Variants in SDK1 observed in about 807,000 individuals in gnomAD.
SDK1 encodes the protein protein sidekick-1.
A neutral mutation model predicts 245.5 loss-of-function variants in SDK1; 157 were observed. The ratio of observed to expected loss-of-function variants is 0.64; its 90% CI spans 0.56 to 0.73. The LOEUF (loss-of-function observed/expected upper bound fraction) is 0.73, where lower values mean the gene tolerates loss of function less well. SDK1 is among the 30% of genes least tolerant of loss of function. The pLI is 0.00. For synonymous variants in SDK1, 1,647 were observed against 1,278.5 expected, an observed-to-expected ratio of 1.29 and a Z score of -6.15; for missense variants, 3,583 against 3,002.3, an observed-to-expected ratio of 1.19 and a Z score of -4.52.
chr7:4,226,679 C>G (rs1785467499), intron 40 of SDK1, among the ~76,000 whole-genome samples: 1 of 152,236 alleles, frequency 6.6e-6, no homozygotes, highest in South Asian at 2.1e-4. Context: ...CTTTCTCTGG[C>G]TGTGCGTAAG....
At chr7:3,729,929 G>A (rs1201143848) in intron 4 of SDK1, among the ~76,000 whole-genome samples, 1 of 151,824 alleles carries the variant, frequency 6.6e-6, no homozygotes, top group Non-Finnish European at 1.5e-5. Context: ...AGTGGCTGTG[G>A]ATTTAGTAAC....
intron 2 of SDK1, among the ~76,000 whole-genome samples, chr7:3,623,669 T>C (rs1417875746): frequency 6.6e-6 from 1 of 152,234 alleles, no homozygotes; most frequent in Non-Finnish European, 1.5e-5. Context: ...ATTTGTATTC[T>C]TTCCAGAAAG....
intron 5 of SDK1, among the ~76,000 whole-genome samples, chr7:3,917,129 C>A (rs911388334): frequency 1.3e-5 from 2 of 152,200 alleles, no homozygotes; most frequent in Non-Finnish European, 2.9e-5. Flanking sequence ...TACAAAAATT[C>A]AGTCTGTTTC....
chr7:4,034,521 T>C (rs1788076975), intron 17 of SDK1, among the ~76,000 whole-genome samples: 1 of 152,218 alleles, frequency 6.6e-6, no homozygotes, highest in Non-Finnish European at 1.5e-5. Flanking sequence ...AAATTTGAAA[T>C]ATTTCAAAAT....
intron 17 of SDK1, among the ~76,000 whole-genome samples, chr7:4,027,110 C>G (rs73298977): frequency 6.6e-6 from 1 of 152,164 alleles, no homozygotes; most frequent in Non-Finnish European, 1.5e-5. Context: ...ACTGGCTGCT[C>G]GGCTCCCAGC....
intron 22 of SDK1, among the ~76,000 whole-genome samples, chr7:4,086,417 G>T (rs1337726306): frequency 3.9e-5 from 6 of 152,158 alleles, no homozygotes; most frequent in Non-Finnish European, 5.9e-5. Flanking sequence ...CGGAAGCTCT[G>T]GGGATGAGTC....
chr7:3,478,216 G>A (rs1781405124), intron 1 of SDK1, among the ~76,000 whole-genome samples: 1 of 151,670 alleles, frequency 6.6e-6, no homozygotes, highest in African/African-American at 2.4e-5. Flanking sequence ...TTATTCTTTG[G>A]GATTAATTTG....
At chr7:3,670,786 A>G (rs556427653) in intron 4 of SDK1, among the ~76,000 whole-genome samples, 17 of 152,314 alleles carry the variant, frequency 1.1e-4, no homozygotes, top group African/African-American at 4.1e-4. Context: ...GGACAGACCC[A>G]GTTTATGTCT....
At chr7:3,366,991 C>A (rs928756506) in intron 1 of SDK1, among the ~76,000 whole-genome samples, 2 of 152,086 alleles carry the variant, frequency 1.3e-5, no homozygotes, top group African/African-American at 4.8e-5. Context: ...CCACCTGCCT[C>A]AGCCTCCCAA....
At chr7:3,312,225 C>G (rs1342461454) in intron 1 of SDK1, among the ~76,000 whole-genome samples, 5 of 152,102 alleles carry the variant, frequency 3.3e-5, no homozygotes, top group African/African-American at 7.2e-5. Context: ...AAAATCTGGT[C>G]TAGAACTATG....
chr7:3,616,532 T>C (rs1781778121), intron 1 of SDK1, among the ~76,000 whole-genome samples: 1 of 152,216 alleles, frequency 6.6e-6, no homozygotes, highest in Admixed American at 6.5e-5. Flanking sequence ...GCCAACACTT[T>C]TGTTCTCAGC....
chr7:4,185,407 C>T (rs894887869), intron 35 of SDK1, among the ~76,000 whole-genome samples: 1 of 152,178 alleles, frequency 6.6e-6, no homozygotes, highest in African/African-American at 2.4e-5. Flanking sequence ...TCAGGTTAAG[C>T]CTGCACTCCT....
chr7:4,231,494 G>A (rs892833873), intron 40 of SDK1, among the ~76,000 whole-genome samples: 1 of 151,736 alleles, frequency 6.6e-6, no homozygotes, highest in Non-Finnish European at 1.5e-5. Context: ...GATAACTTGA[G>A]TCCAGTAGTT....
intron 1 of SDK1, among the ~76,000 whole-genome samples, chr7:3,378,854 C>T (rs1781415612): frequency 6.6e-6 from 1 of 152,042 alleles, no homozygotes; most frequent in Non-Finnish European, 1.5e-5. Context: ...CGGAGTTGGT[C>T]ACTTTGTCGG....
chr7:3,820,149 A>AT (rs1269543450), intron 4 of SDK1, among the ~76,000 whole-genome samples: 2 of 151,826 alleles, frequency 1.3e-5, no homozygotes, highest in Non-Finnish European at 2.9e-5. Context: ...TCACATTCAT[A>AT]TTTTTTTTCT....
chr7:3,533,668 C>T (rs993999420), intron 1 of SDK1, among the ~76,000 whole-genome samples: 1 of 152,062 alleles, frequency 6.6e-6, no homozygotes, highest in African/African-American at 2.4e-5. Context: ...ACTTTCTTCT[C>T]TTTTTGTCTT....
intron 1 of SDK1, among the ~76,000 whole-genome samples, chr7:3,312,151 G>C (rs186143104): frequency 6.6e-6 from 1 of 152,268 alleles, no homozygotes; most frequent in East Asian, 1.9e-4. Context: ...CTCATAATTG[G>C]GGTGGATTCA....
intron 22 of SDK1, among the ~76,000 whole-genome samples, chr7:4,107,134 T>TGGGGAGGGTGGGGAGGGG (rs1782981630): frequency 5.4e-4 from 2 of 3,674 alleles, no homozygotes; most frequent in African/African-American, 9.2e-4. Flanking sequence ...GTGGGGAGGG[T>TGGGGAGGGTGGGGAGGGG]GGGGAGGGTG....
At chr7:4,138,887 A>G (rs934092524) in intron 28 of SDK1, among the ~76,000 whole-genome samples, 8 of 152,236 alleles carry the variant, frequency 5.3e-5, no homozygotes, top group African/African-American at 1.9e-4. Flanking sequence ...GCAGACCAGC[A>G]TACCATCACC....
Sources: allele counts gnomAD v4.1 joint callset (sites outside exome capture counted in the v4.1 genomes callset), GRCh38; gene constraint gnomAD v4.1.1; transcripts MANE v1.5; gene names NCBI Gene and HGNC (gene_info 2026-07-23, HGNC 2026-07-21).